Variants in CCDC33 observed in about 807,000 individuals in gnomAD.
CCDC33 encodes the protein coiled-coil domain-containing protein 33.
In CCDC33, 94 loss-of-function variants were observed where a neutral mutation model predicts 91.9. The observed-to-expected ratio is 1.02, with a 90% CI of 0.87 to 1.21. The LOEUF is 1.21. CCDC33 is among the 50% of genes most tolerant of loss of function. CCDC33 has a pLI of 0.00. For synonymous variants in CCDC33, 396 were observed against 374.5 expected (o/e 1.06, Z -0.66); for missense variants, 940 against 935.5 (o/e 1.00, Z -0.06).
At chr15:74,282,407 G>A (rs916841627) in intron 10 of CCDC33, among the ~76,000 whole-genome samples, 3 of 152,084 alleles carry the variant, frequency 2.0e-5, no homozygotes, top group African/African-American at 7.2e-5. Context: ...CCTGAAGGAC[G>A]CCCACATGCC....
chr15:74,275,398 C>G (rs1439421700), intron 7 of CCDC33, among the ~76,000 whole-genome samples: 2 of 152,220 alleles, frequency 1.3e-5, no homozygotes, highest in African/African-American at 4.8e-5. Context: ...GCCAGTGTCC[C>G]CTCTGAGGCC....
chr15:74,314,642 AC>A (rs2060056414), intron 11 of CCDC33, among the ~76,000 whole-genome samples: 2 of 152,108 alleles, frequency 1.3e-5, no homozygotes, highest in Admixed American at 1.3e-4. Flanking sequence ...TGGCATCATG[AC>A]GAGCCCTTTC....
In CCDC33 at chr15:74,218,526, G is replaced by A. The variant is rs1329140519; in HGVS notation, c.340G>A (p.Ala114Thr). 3.1e-6 allele frequency: 4 copies of A among 1,289,024 alleles called. No homozygotes were observed. The Admixed American group carries it at 9.2e-5, about 30-fold the overall frequency. 79.8% of individuals were successfully genotyped at this position (1,289,024 alleles called of 1,614,324 possible). The stretch of plus-strand genomic sequence containing the variant: ...CTGCAAGAATGACGGGCAGCATGAT[G>A]CTCAGCTGCATGTGGAGGCACTGAG... The change falls in exon 2 of 3, where the codon GCT (alanine) becomes ACT (threonine). Residue 114 changes from alanine to threonine, a missense_variant. Physicochemically the swap from Ala to Thr is moderately conservative, Grantham distance 58. Transcript: ENST00000635913. This position sits in a 1 kb window ranked among gnomAD's most constrained non-coding sequence, Gnocchi z 4.8.
chr15:74,323,260 G>C (rs2060241768), intron 11 of CCDC33, among the ~76,000 whole-genome samples: 1 of 152,056 alleles, frequency 6.6e-6, no homozygotes, highest in Non-Finnish European at 1.5e-5. Flanking sequence ...AAACTGCTAA[G>C]CCTTCTCTCC....
chr15:74,330,601 C>A, intron 12 of CCDC33, 62 bp from the exon 13 acceptor site: 1 of 1,343,516 alleles, frequency 7.4e-7, no homozygotes, highest in Admixed American at 1.7e-5. Flanking sequence ...CTGCTACTGA[C>A]CATGCTGATT....
chr15:74,228,237 G>A (rs763076271), intron 2 of CCDC33, among the ~76,000 whole-genome samples: 2 of 152,170 alleles, frequency 1.3e-5, no homozygotes, highest in African/African-American at 2.4e-5. Context: ...GGGCAGAAAG[G>A]CAGAGAGGAG....
chr15:74,314,166 A>C (rs964134088), intron 11 of CCDC33, among the ~76,000 whole-genome samples: 7 of 152,178 alleles, frequency 4.6e-5, no homozygotes, highest in Non-Finnish European at 7.4e-5. Context: ...CAGGGTGAGG[A>C]GGGGGCTGGC....
chr15:74,301,369 T>C (rs999300316), intron 11 of CCDC33: 1 of 152,218 alleles, frequency 6.6e-6, no homozygotes, highest in African/African-American at 2.4e-5. Context: ...ACCAGAACTC[T>C]CCACCCTGCC....
At chr15:74,215,848 G>T (rs1281213514), upstream of CCDC33, among the ~76,000 whole-genome samples, 1 of 147,030 alleles carries the variant, frequency 6.8e-6, no homozygotes, top group Non-Finnish European at 1.5e-5. Context: ...TCCAGCCTGG[G>T]CAACAAGAGC....
At chr15:74,220,026 A>G (rs1424398718) in intron 2 of CCDC33, among the ~76,000 whole-genome samples, 3 of 151,976 alleles carry the variant, frequency 2.0e-5, no homozygotes, top group Non-Finnish European at 4.4e-5. Flanking sequence ...GGGCCTGGGG[A>G]TGGGAGAAAG....
At chr15:74,269,286 C>A (rs1159065777) in intron 5 of CCDC33, among the ~76,000 whole-genome samples, 1 of 151,944 alleles carries the variant, frequency 6.6e-6, no homozygotes, top group Non-Finnish European at 1.5e-5. Flanking sequence ...CCAAACATGG[C>A]TGATCTGTTC....
chr15:74,220,580 C>T (rs1282936478), intron 2 of CCDC33, among the ~76,000 whole-genome samples: 1 of 152,176 alleles, frequency 6.6e-6, no homozygotes, highest in African/African-American at 2.4e-5. Context: ...CTTCAGGCTG[C>T]AGTTCTGAAT....
At chr15:74,232,085 A>G (rs1175645982), upstream of CCDC33, among the ~76,000 whole-genome samples, 1 of 152,206 alleles carries the variant, frequency 6.6e-6, no homozygotes, top group Non-Finnish European at 1.5e-5. Flanking sequence ...GACATGGCGC[A>G]GGTCAACTCT....
At chr15:74,331,410 C>T in intron 15 of CCDC33, 114 bp downstream of exon 15, 1 of 1,045,304 alleles carries the variant, frequency 9.6e-7, no homozygotes, top group Admixed American at 2.3e-5. Flanking sequence ...CCCCTGCACT[C>T]AGTTATGTCT....
At position 74,218,661 on chromosome 15, in the gene CCDC33, G is replaced by T. The variant is rs772731514; in HGVS notation, c.475G>T (p.Asp159Tyr). Residue 159 changes from aspartate (D) to tyrosine (Y), a missense_variant, in exon 2 of 3, where the codon GAC (aspartate) becomes TAC (tyrosine). Asp to Tyr is a radical substitution (Grantham distance 160). Transcript: ENST00000635913. The surrounding 1 kb of genome is among the most constrained non-coding windows in gnomAD (Gnocchi z 4.8). ...GAACCCAAAGGCTCAGGATCACGAG[G>T]ACCTGTACCGCTACTGTGGCAACCT... 25 of 1,289,868 alleles carry T rather than the reference G, an allele frequency of 1.9e-5. No homozygotes were observed. In the South Asian group the frequency reaches 2.8e-4, roughly 15 times the overall value. 79.9% of individuals were successfully genotyped at this position (1,289,868 alleles called of 1,614,324 possible). A position where few individuals can be genotyped will look rare whatever the true frequency, so the allele number is the denominator to read the frequency against.
intron 11 of CCDC33, chr15:74,301,918 G>C (rs923567977): frequency 6.3e-5 from 7 of 110,416 alleles, no homozygotes; most frequent in Middle Eastern, 3.2e-3. Flanking sequence ...TGCCTCCTCT[G>C]TTTCCCTCCC....
intron 7 of CCDC33, among the ~76,000 whole-genome samples, chr15:74,279,174 C>T (rs927185498): frequency 1.5e-4 from 23 of 152,140 alleles, no homozygotes; most frequent in Non-Finnish European, 2.6e-4. Flanking sequence ...AAGTAATTTG[C>T]GACATGAAGA....
intron 11 of CCDC33, among the ~76,000 whole-genome samples, chr15:74,321,600 T>G (rs553056828): frequency 6.6e-6 from 1 of 152,118 alleles, no homozygotes; most frequent in Non-Finnish European, 1.5e-5. Context: ...GGGGTTTCAC[T>G]GTGTTGGCTA....
At chr15:74,213,923 G>T (rs2074391327), upstream of CCDC33, among the ~76,000 whole-genome samples, 1 of 152,186 alleles carries the variant, frequency 6.6e-6, no homozygotes, top group African/African-American at 2.4e-5. Flanking sequence ...CCCTTCACTA[G>T]CCACGTGCTC....
Sources: allele counts gnomAD v4.1 joint callset (sites outside exome capture counted in the v4.1 genomes callset), GRCh38; gene constraint gnomAD v4.1.1; non-coding constraint Gnocchi (gnomAD v3.1); transcripts MANE v1.5; gene names NCBI Gene and HGNC (gene_info 2026-07-23, HGNC 2026-07-21).